The following ZYG11A variants were observed in gnomAD, a reference collection of about 807,000 sequenced individuals.
ZYG11A encodes zyg-11 family member A, cell cycle regulator.
Under a neutral mutation model 77.2 loss-of-function variants are expected in ZYG11A, and 62 were observed. The ratio of observed to expected loss-of-function variants is 0.80; its 90% CI spans 0.65 to 0.99. The LOEUF is 0.99. Among genes scored for constraint, ZYG11A ranks in the 50% least tolerant of loss-of-function variants. The probability of loss-of-function intolerance (pLI) is 0.00; values close to 1 mark genes in which losing one functional copy is unlikely to be tolerated. For synonymous variants in ZYG11A, 315 were observed against 324.6 expected (o/e 0.97, Z 0.32); for missense variants, 828 against 896.8 (o/e 0.92, Z 0.98).
At chr1:52,869,290 A>T (rs1646092685) in intron 8 of ZYG11A, among the ~76,000 whole-genome samples, 1 of 132,022 alleles carries the variant, frequency 7.6e-6, no homozygotes, top group Non-Finnish European at 1.5e-5. Context: ...TGTTTCTCGC[A>T]GAGGGGGATT....
chr1:52,861,184 C>T (rs1251726794), intron 4 of ZYG11A, among the ~76,000 whole-genome samples: 2 of 152,166 alleles, frequency 1.3e-5, no homozygotes, highest in Admixed American at 6.5e-5. Flanking sequence ...AAATCTACCA[C>T]TTGAAGTATT....
At chr1:52,862,604 G>T (rs1299904088) in intron 4 of ZYG11A, among the ~76,000 whole-genome samples, 1 of 152,082 alleles carries the variant, frequency 6.6e-6, no homozygotes, top group African/African-American at 2.4e-5. Context: ...GAGCCACTGC[G>T]CCCGGCAAGC....
chr1:52,860,179 T>C (rs538791743), intron 3 of ZYG11A, among the ~76,000 whole-genome samples: 1 of 152,156 alleles, frequency 6.6e-6, no homozygotes, highest in Admixed American at 6.6e-5. Flanking sequence ...GTAGGTCAGT[T>C]TGAGGAAAAT....
At chr1:52,888,994 T>G (rs1262077017) in intron 13 of ZYG11A, among the ~76,000 whole-genome samples, 1 of 152,186 alleles carries the variant, frequency 6.6e-6, no homozygotes, top group Non-Finnish European at 1.5e-5. Context: ...CAGGAGAAAC[T>G]AACCGAAACT....
chr1:52,863,877 G>A, intron 4 of ZYG11A, 104 bp from the exon 5 acceptor site: 2 of 1,057,028 alleles, frequency 1.9e-6, no homozygotes, highest in Non-Finnish European at 2.7e-6. Context: ...GGGAAAATCT[G>A]TTCCTGTCCC....
chr1:52,886,995 TCAAC>T lies in ZYG11A; in HGVS notation c.2049_2052del (p.Pro684ArgfsTer25). ...TTTTCCCGCTCCTTGGCAACTTCTC[TCAAC>T]CAGAGGTTCAGCTCTGGGCACTATG... On this transcript the variant is annotated frameshift_variant, in exon 13 of 14. Transcript: ENST00000371528. LOFTEE classifies it high-confidence loss of function. 1.3e-6 allele frequency: 2 copies of T among 1,550,848 alleles called. No homozygotes were observed. Among genetic ancestry groups the T allele is most frequent in the Non-Finnish European group, 1.7e-6 (2 of 1,146,358 alleles).
At chr1:52,856,861 A>T in intron 2 of ZYG11A, 137 bp from the exon 3 acceptor site, 1 of 897,146 alleles carries the variant, frequency 1.1e-6, no homozygotes. Context: ...AAAGGAGTTT[A>T]GAACAATGCT....
At chr1:52,886,134 A>T (rs1001381547) in intron 12 of ZYG11A, among the ~76,000 whole-genome samples, 1 of 151,672 alleles carries the variant, frequency 6.6e-6, no homozygotes, top group Non-Finnish European at 1.5e-5. Flanking sequence ...GGGTTTCACC[A>T]TGTTAGCCAG....
chr1:52,890,053 G>GTTTTTTT (rs67041059), intron 13 of ZYG11A, among the ~76,000 whole-genome samples: 4 of 118,524 alleles, frequency 3.4e-5, no homozygotes, highest in African/African-American at 6.6e-5. Flanking sequence ...ATCACTGCTT[G>GTTTTTTT]TTTTTTTTTT....
rs1197030080 is a variant in ZYG11A at position 52,842,821 on chromosome 1, C to T, written c.-63C>T. The T allele has an allele frequency of 8.2e-6, 12 of 1,470,014 alleles. No homozygotes were observed. The highest frequency in any genetic ancestry group is 7.3e-5 in the African/African-American group (5 of 68,128). 91.1% of individuals were successfully genotyped at this position (1,470,014 alleles called of 1,614,324 possible). On this transcript the variant is annotated 5_prime_UTR_variant, in exon 1 of 14. Transcript: ENST00000371528. ...TCCTGGCAGCCGCCCGCTTGGTTCT[C>T]GCGGGATCCGGGCTCCGGCTCGACG...
intron 13 of ZYG11A, 138 bp from the exon 14 acceptor site, chr1:52,892,644 T>G (rs1197458641): frequency 2.8e-6 from 2 of 711,440 alleles, no homozygotes; most frequent in East Asian, 5.4e-5. Flanking sequence ...GCTTTAGAAT[T>G]GACTCATTTT....
At position 52,867,746 on chromosome 1, in the gene ZYG11A, C is replaced by T; in HGVS notation, c.1511C>T (p.Ala504Val). The change falls in exon 8 of 14, where the codon GCA becomes GTA. Residue 504 changes from alanine to valine, a missense_variant. Coordinates refer to ENST00000371528, the MANE Select transcript of ZYG11A (RefSeq NM_001004339.3). Reference protein sequence around the residue: ...LALQLSPEQTAQLEELFMAVK... With the variant: ...LALQLSPEQTVQLEELFMAVK... ...TTATAGCTCTCACCTGAGCAAACGG[C>T]ACAGCTTGAAGAGCTTTTCATGGCA... The T allele has an allele frequency of 6.4e-7, 1 of 1,551,476 alleles. No individual in the cohort carries two copies. The highest frequency in any genetic ancestry group is 8.7e-7 in the Non-Finnish European group (1 of 1,146,980).
intron 11 of ZYG11A, among the ~76,000 whole-genome samples, chr1:52,884,969 C>T (rs1646422412): frequency 1.3e-5 from 2 of 151,788 alleles, no homozygotes; most frequent in South Asian, 4.2e-4. Context: ...AGTGCAGTGG[C>T]GCCATCTCAG....
rs77446419 is a variant in ZYG11A, at chr1:52,867,252, C to G, written c.1392-287C>G. Among the ~76,000 whole-genome samples, 442 of 152,308 alleles carry G rather than the reference C, an allele frequency of 2.9e-3. 3 individuals are homozygous for G. The highest frequency in any genetic ancestry group is 0.01 in the African/African-American group (423 of 41,584). The stretch of plus-strand genomic sequence containing the variant: ...TGCTACCACTCTGGAAACTCCCTTT[C>G]TTTTTCAGACCTATCATAGTAGAAA... On this transcript the variant is annotated intron_variant, in intron 6 of 13. Transcript: ENST00000371528.
rs963031042 is a variant in ZYG11A at position 52,866,497 on chromosome 1, T to TA, written c.1327-2dup. ...TTCAAAATTATTTTTCTTTATTCTC[T>TA]AAAAGTTACAGAAGAATTGTCTTCT... On this transcript the variant is annotated splice_polypyrimidine_tract_variant and splice_region_variant and intron_variant, in intron 5 of 13. Coordinates refer to ENST00000371528, the MANE Select transcript of ZYG11A (RefSeq NM_001004339.3). 1 of 1,470,308 alleles carries TA rather than the reference T, an allele frequency of 6.8e-7. No individual in the cohort carries two copies. The highest frequency in any genetic ancestry group is 9.3e-7 in the Non-Finnish European group (1 of 1,075,062). The allele number at this position is 1,470,308 out of a possible 1,614,324, so 91.1% of individuals were successfully genotyped here. A position where few individuals can be genotyped will look rare whatever the true frequency, so the allele number is the denominator to read the frequency against.
intron 1 of ZYG11A, among the ~76,000 whole-genome samples, chr1:52,845,270 A>G (rs1299747828): frequency 1.3e-5 from 2 of 150,042 alleles, no homozygotes; most frequent in Admixed American, 1.3e-4. Context: ...TCTTGTAAAC[A>G]GCAATCTTGC....
chr1:52,858,017 C>A (rs998411363), intron 3 of ZYG11A, among the ~76,000 whole-genome samples: 1 of 151,638 alleles, frequency 6.6e-6, no homozygotes, highest in Non-Finnish European at 1.5e-5. Context: ...GAACGCCTGA[C>A]CTCAGGTGAT....
At chr1:52,879,723 T>C (rs1034203612) in intron 10 of ZYG11A, among the ~76,000 whole-genome samples, 1 of 151,822 alleles carries the variant, frequency 6.6e-6, no homozygotes, top group Non-Finnish European at 1.5e-5. Flanking sequence ...TCCTACCAGC[T>C]GACCTAAAAG....
At chr1:52,861,050 A>G (rs1236519777) in intron 4 of ZYG11A, among the ~76,000 whole-genome samples, 179 bp downstream of exon 4, 1 of 152,198 alleles carries the variant, frequency 6.6e-6, no homozygotes. Flanking sequence ...GAGCATCTGG[A>G]TTTATGTGGA....
Sources: allele counts gnomAD v4.1 joint callset (sites outside exome capture counted in the v4.1 genomes callset), GRCh38; gene constraint gnomAD v4.1.1; transcripts MANE v1.5; gene names NCBI Gene and HGNC (gene_info 2026-07-23, HGNC 2026-07-21).